The following CP variants were observed in gnomAD, a reference collection of about 807,000 sequenced individuals.
The protein encoded by CP is ceruloplasmin, also known as caeruloplasmin.
A neutral mutation model predicts 122.4 loss-of-function variants in CP; 64 were observed. The observed-to-expected ratio is 0.52, with a 90% CI of 0.43 to 0.64. CP has a LOEUF of 0.64. Ranked by LOEUF, CP falls within the 30% of genes least tolerant of loss-of-function variation. The probability of loss-of-function intolerance (pLI) is 0.00; values close to 1 mark genes in which losing one functional copy is unlikely to be tolerated. For missense variants in CP, 1,167 were observed against 1,284.4 expected (o/e 0.91, Z 1.40); for synonymous variants, 440 against 436.4 (o/e 1.01, Z -0.10).
rs913304083 is a variant in CP, at chr3:149,210,047, ACC to A, written c.607+118_607+119del. ...CTCTTCCCTTCCTTTTTTTCTACTT[ACC>A]ACCTCTCTACCTTACCTGCTCAATC... On this transcript the variant is annotated intron_variant, in intron 3 of 18. Transcript: ENST00000264613. The A allele has an allele frequency of 1.1e-5, 10 of 922,222 alleles. No individual in the cohort carries two copies. The African/African-American group carries it at 1.7e-4, about 15-fold the overall frequency. 57.1% of individuals were successfully genotyped at this position (922,222 alleles called of 1,614,324 possible).
rs1724495529 is a variant in CP at position 149,167,044 on chromosome 3, G to A, written c.587-994C>T. 2.5e-6 allele frequency: 4 copies of A among 1,612,116 alleles called. No individual in the cohort carries two copies. The African/African-American group carries it at 4.0e-5, about 16-fold the overall frequency. ...CTTTTCTGTTCATAGTCTCTTATAT[G>A]TGGTCCTTCATTTGACATAGCTTCC... is the stretch of plus-strand genomic sequence containing the variant. On this transcript the variant is annotated intron_variant, in intron 4 of 5. Coordinates refer to the CP transcript ENST00000479771.
downstream of CP, chr3:149,168,303 GTACTT>G (rs1724630777): frequency 3.5e-6 from 1 of 286,372 alleles, no homozygotes. Context: ...AATGATCAGA[GTACTT>G]AATTTACTTC....
At chr3:149,212,323 A>T (rs1728170034) in intron 2 of CP, 128 bp downstream of exon 2, 2 of 1,014,988 alleles carry the variant, frequency 2.0e-6, no homozygotes, top group Non-Finnish European at 2.8e-6. Flanking sequence ...AAAAAATAAA[A>T]AAAAAATAGT....
chr3:149,199,562 G>T lies in CP; in HGVS notation c.1501+150C>A. The stretch of plus-strand genomic sequence containing the variant: ...AAACCAATTGGAGGTAGGAGAAGGG[G>T]TTTATTTGTTTCCTGGCATGATGCC... On this transcript the variant is annotated intron_variant, in intron 8 of 18. Coordinates refer to ENST00000264613, the MANE Select transcript of CP (RefSeq NM_000096.4). 5 of 933,116 alleles carry T rather than the reference G, an allele frequency of 5.4e-6. No homozygotes were observed. The South Asian group carries it at 6.9e-5, about 13-fold the overall frequency. The allele number at this position is 933,116 out of a possible 1,614,324, so 57.8% of individuals were successfully genotyped here.
intron 18 of CP, among the ~76,000 whole-genome samples, chr3:149,174,388 A>G (rs1432349382): frequency 6.6e-6 from 1 of 152,186 alleles, no homozygotes; most frequent in Non-Finnish European, 1.5e-5. Context: ...TAGGAAAGAT[A>G]GTTGTATGTG....
chr3:149,174,921 G>T (rs573637832), intron 18 of CP, among the ~76,000 whole-genome samples: 1 of 151,894 alleles, frequency 6.6e-6, no homozygotes, highest in African/African-American at 2.4e-5. Context: ...TTTGCTATTT[G>T]TTCTGTAATT....
chr3:149,212,832 G>T, intron 1 of CP, 134 bp from the exon 2 acceptor site: 1 of 1,113,056 alleles, frequency 9.0e-7, no homozygotes. Flanking sequence ...TTGTAGGGAT[G>T]CCTCCAAAAT....
chr3:149,184,018 TC>T, intron 12 of CP, among the ~76,000 whole-genome samples: 1 of 138,468 alleles, frequency 7.2e-6, no homozygotes, highest in South Asian at 2.4e-4. Flanking sequence ...CATTCCCTTT[TC>T]ACTTACTTCT....
At chr3:149,213,742 A>G (rs1302932938) in intron 1 of CP, among the ~76,000 whole-genome samples, 1 of 151,958 alleles carries the variant, frequency 6.6e-6, no homozygotes, top group African/African-American at 2.4e-5. Context: ...GGGCCGAGTA[A>G]TCTGACTGAG....
intron 9 of CP, among the ~76,000 whole-genome samples, chr3:149,192,690 T>C (rs969720523): frequency 2.0e-5 from 3 of 151,576 alleles, no homozygotes; most frequent in Non-Finnish European, 4.4e-5. Context: ...CACATATATA[T>C]ATTATATGGC....
chr3:149,201,539 T>C (rs1576764830), intron 7 of CP, among the ~76,000 whole-genome samples: 1 of 152,080 alleles, frequency 6.6e-6, no homozygotes, highest in African/African-American at 2.4e-5. Context: ...CCTTACCTCT[T>C]TGAAGAAAAA....
At chr3:149,193,070 G>C (rs992855715) in intron 9 of CP, among the ~76,000 whole-genome samples, 1 of 151,906 alleles carries the variant, frequency 6.6e-6, no homozygotes, top group Non-Finnish European at 1.5e-5. Flanking sequence ...GGTATACTCT[G>C]ACATTGTCTC....
chr3:149,217,792 AG>A (rs1436515060), intron 1 of CP: 2 of 246,788 alleles, frequency 8.1e-6, no homozygotes, highest in Non-Finnish European at 1.7e-5. Context: ...TGATAACAAT[AG>A]TGAAATGAAC....
chr3:149,213,551 AC>A (rs1184075010), intron 1 of CP, among the ~76,000 whole-genome samples: 1 of 152,042 alleles, frequency 6.6e-6, no homozygotes, highest in Non-Finnish European at 1.5e-5. Flanking sequence ...ATTTGGCAGG[AC>A]CCACTTAGAT....
In CP at chr3:149,209,084, CA is replaced by C. The variant is rs1021379343; in HGVS notation, c.781+126del. 2.5e-6 allele frequency: 3 copies of C among 1,222,126 alleles called. No homozygotes were observed. In the African/African-American group the frequency reaches 4.5e-5, roughly 18 times the overall value. The allele number at this position is 1,222,126 out of a possible 1,614,324, so 75.7% of individuals were successfully genotyped here. A position where few individuals can be genotyped will look rare whatever the true frequency, so the allele number is the denominator to read the frequency against. On this transcript the variant is annotated intron_variant, in intron 4 of 18. Transcript: ENST00000264613. ...TTAGCTGAATATCAAATTGCACATC[CA>C]ATATGCTTTGTTATAAGGACCACAG...
In CP at chr3:149,205,754, T is replaced by C. The variant is rs556563151; in HGVS notation, c.1208+414A>G. Among the ~76,000 whole-genome samples, 362 of 151,776 alleles carry C rather than the reference T, an allele frequency of 2.4e-3. 1 individual carries two copies. The highest frequency in any genetic ancestry group is 8.2e-3 in the African/African-American group (340 of 41,384). On this transcript the variant is annotated intron_variant, in intron 6 of 18. Transcript: ENST00000264613. ...GGGGTGGAGAAAGAGTGGAAGAAGG[T>C]TGTTATTGTTTAAAGGGTTCAGAGT...
In CP at chr3:149,198,539, G is replaced by A. The variant is rs900325101; in HGVS notation, c.1541C>T (p.Thr514Ile). Residue 514 changes from threonine to isoleucine, a missense_variant, in exon 9 of 19, where the codon ACA (threonine) becomes ATA (isoleucine). Physicochemically the swap from Thr to Ile is moderately conservative, Grantham distance 89. Coordinates refer to ENST00000264613, the MANE Select transcript of CP (RefSeq NM_000096.4). ...GGGGACAGTCCATTCATAGGTGAAT[G>A]TTTCTGTGGGTGCCACATGGGAGGC... The part of the protein sequence containing the change: ...PSASHVAPTE[T>I]FTYEWTVPKE... The A allele has an allele frequency of 1.1e-5, 18 of 1,614,002 alleles. No homozygotes were observed. Among genetic ancestry groups the A allele is most frequent in the Non-Finnish European group, 1.4e-5 (16 of 1,179,996 alleles).
chr3:149,172,092 CA>C, downstream of CP: 1 of 1,612,520 alleles, frequency 6.2e-7, no homozygotes, highest in Non-Finnish European at 8.5e-7. Context: ...CTTTTCTACA[CA>C]GAAACATTGT....
chr3:149,168,015 A>G (rs1479675177), downstream of CP: 4 of 1,242,688 alleles, frequency 3.2e-6, no homozygotes, highest in Non-Finnish European at 4.7e-6. Flanking sequence ...TTGATTATAA[A>G]CTTAAGTTTC....
Sources: allele counts gnomAD v4.1 joint callset (sites outside exome capture counted in the v4.1 genomes callset), GRCh38; gene constraint gnomAD v4.1.1; transcripts MANE v1.5; gene names NCBI Gene and HGNC (gene_info 2026-07-23, HGNC 2026-07-21).